Variants in BMPER observed in about 807,000 individuals in gnomAD.
BMPER encodes the protein BMP binding endothelial regulator.
BMPER carries 45 observed loss-of-function variants against 87.3 expected under a neutral mutation model. That is an observed-to-expected ratio of 0.52 (90% CI 0.41 to 0.66). The LOEUF is 0.66. Among genes scored for constraint, BMPER ranks in the 30% least tolerant of loss-of-function variants. The pLI, the probability that BMPER is intolerant of heterozygous loss-of-function variation, is 0.00. For synonymous variants in BMPER, 326 were observed against 316.2 expected (o/e 1.03, Z -0.33); for missense variants, 784 against 867.5 (o/e 0.90, Z 1.21).
intron 13 of BMPER, among the ~76,000 whole-genome samples, chr7:34,140,689 A>G (rs1186160976): frequency 5.3e-5 from 8 of 152,204 alleles, no homozygotes; most frequent in Admixed American, 3.3e-4. Flanking sequence ...TTTATCTTCA[A>G]TTGTGTAAAT....
Position 34,079,106 on chromosome 7 carries a change from C to T in BMPER, c.1328C>T (p.Ser443Leu). Residue 443 changes from serine (S) to leucine (L), a missense_variant, in exon 12 of 15, where the codon TCG becomes TTG. By Grantham distance (145) the Ser-to-Leu change is moderately radical. Transcript: ENST00000649409. The part of the protein sequence containing the change: ...QQHLTVRWNG[S>L]RIALPCRAPH... ...CACCTCACCGTGCGCTGGAACGGCT[C>T]GCGCATCGCGCTCCCCTGCCGCGCG... 6.2e-7 allele frequency: 1 copy of T among 1,613,716 alleles called. No homozygotes were observed. Among genetic ancestry groups the T allele is most frequent in the Non-Finnish European group, 8.5e-7 (1 of 1,179,874 alleles).
intron 6 of BMPER, among the ~76,000 whole-genome samples, chr7:34,035,581 G>A (rs1421270822): frequency 6.6e-6 from 1 of 152,172 alleles, no homozygotes; most frequent in Non-Finnish European, 1.5e-5. Flanking sequence ...TTCATGTCAA[G>A]ATAACAGATA....
chr7:33,990,674 G>A (rs1786183919), intron 6 of BMPER, among the ~76,000 whole-genome samples: 1 of 148,870 alleles, frequency 6.7e-6, no homozygotes, highest in Admixed American at 6.8e-5. Context: ...TGGTGAGAGA[G>A]GGCATCCCTG....
intron 7 of BMPER, among the ~76,000 whole-genome samples, chr7:34,047,820 T>TTCCTTCCTTCC (rs1562709450): frequency 1.5e-5 from 2 of 134,226 alleles, no homozygotes; most frequent in East Asian, 2.2e-4. Context: ...TCTTCCTCAC[T>TTCCTTCCTTCC]TTCCTACTTT....
At chr7:34,090,101 C>T (rs1789338732) in intron 13 of BMPER, among the ~76,000 whole-genome samples, 1 of 152,176 alleles carries the variant, frequency 6.6e-6, no homozygotes, top group South Asian at 2.1e-4. Context: ...TAGTTACAAA[C>T]TGCAGAAAAG....
chr7:34,001,840 T>G (rs1047743486), intron 6 of BMPER, among the ~76,000 whole-genome samples: 3 of 151,710 alleles, frequency 2.0e-5, no homozygotes, highest in African/African-American at 7.2e-5. Flanking sequence ...CTAAGTACTA[T>G]TTTGGTTATA....
chr7:34,101,768 C>G (rs910558830), intron 13 of BMPER, among the ~76,000 whole-genome samples: 17 of 152,196 alleles, frequency 1.1e-4, no homozygotes, highest in Admixed American at 9.8e-4. Flanking sequence ...CTTCCACAGG[C>G]TGTCTTCAGG....
chr7:34,125,483 C>T (rs1049742709), intron 13 of BMPER, among the ~76,000 whole-genome samples: 1 of 152,124 alleles, frequency 6.6e-6, no homozygotes, highest in Non-Finnish European at 1.5e-5. Flanking sequence ...TTGTTTCTCT[C>T]ATTCTATTTT....
In BMPER at chr7:33,927,273, T is replaced by C. The variant is rs543506784; in HGVS notation, c.220-10016T>C. 9.5e-4 allele frequency among the ~76,000 whole-genome samples: 145 copies of C among 152,308 alleles called. 1 individual carries two copies. The highest frequency in any genetic ancestry group is 3.4e-3 in the Middle Eastern group (1 of 294). On this transcript the variant is annotated intron_variant, in intron 2 of 14. Transcript: ENST00000649409. ...GTTTCATTGGCTCTGTGGCTTGTTGTTGACCCACAGGAATGAGAGACACCT... is the reference window on the plus strand; with the variant it reads ...GTTTCATTGGCTCTGTGGCTTGTTGCTGACCCACAGGAATGAGAGACACCT...
intron 8 of BMPER, among the ~76,000 whole-genome samples, chr7:34,054,243 A>G (rs550275729): frequency 6.6e-6 from 1 of 152,282 alleles, no homozygotes; most frequent in South Asian, 2.1e-4. Context: ...TAGGCACCAC[A>G]GTCTAATGAT....
chr7:34,150,615 A>AG (rs1791146796), intron 14 of BMPER, among the ~76,000 whole-genome samples: 1 of 152,296 alleles, frequency 6.6e-6, no homozygotes, highest in East Asian at 1.9e-4. Flanking sequence ...CACTGAGAAG[A>AG]GAAAAAAAGA....
intron 14 of BMPER, among the ~76,000 whole-genome samples, chr7:34,143,747 CT>C (rs1214845559): frequency 1.3e-5 from 2 of 151,992 alleles, no homozygotes; most frequent in Non-Finnish European, 2.9e-5. Context: ...AAGCAAGATA[CT>C]TTTTTTTAGA....
chr7:34,122,324 T>C (rs1218751029), intron 13 of BMPER, among the ~76,000 whole-genome samples: 1 of 152,224 alleles, frequency 6.6e-6, no homozygotes, highest in African/African-American at 2.4e-5. Flanking sequence ...ATACTTTTAG[T>C]AGCTCGGTTT....
At chr7:33,938,948 C>T (rs1784680233) in intron 3 of BMPER, among the ~76,000 whole-genome samples, 1 of 152,082 alleles carries the variant, frequency 6.6e-6, no homozygotes, top group South Asian at 2.1e-4. Flanking sequence ...TCACTTGAAC[C>T]CAGGAGGCAG....
intron 13 of BMPER, among the ~76,000 whole-genome samples, chr7:34,135,797 G>T (rs1790703119): frequency 1.3e-5 from 2 of 152,134 alleles, no homozygotes; most frequent in Admixed American, 6.5e-5. Context: ...ACCTTGTTTA[G>T]TGCCTGAAAC....
intron 10 of BMPER, among the ~76,000 whole-genome samples, chr7:34,059,913 C>G (rs1207608669): frequency 6.6e-6 from 1 of 152,048 alleles, no homozygotes; most frequent in Non-Finnish European, 1.5e-5. Context: ...TGCAACTCCC[C>G]CAGAGGCAAA....
chr7:33,994,398 C>T (rs1009390973), intron 6 of BMPER, among the ~76,000 whole-genome samples: 5 of 152,218 alleles, frequency 3.3e-5, no homozygotes, highest in South Asian at 4.1e-4. Context: ...TGCCGTCTGT[C>T]ACCCCTTTCT....
intron 12 of BMPER, among the ~76,000 whole-genome samples, chr7:34,083,600 C>G (rs561127719): frequency 6.6e-6 from 1 of 152,162 alleles, no homozygotes; most frequent in Non-Finnish European, 1.5e-5. Flanking sequence ...TTTGAAGTAA[C>G]TCTTGTGGCA....
intron 2 of BMPER, among the ~76,000 whole-genome samples, chr7:33,931,496 T>C (rs1340143464): frequency 6.6e-6 from 1 of 152,234 alleles, no homozygotes; most frequent in Non-Finnish European, 1.5e-5. Flanking sequence ...AAACCTGAAG[T>C]ATTATTCTTC....
Sources: allele counts gnomAD v4.1 joint callset (sites outside exome capture counted in the v4.1 genomes callset), GRCh38; gene constraint gnomAD v4.1.1; transcripts MANE v1.5; gene names NCBI Gene and HGNC (gene_info 2026-07-23, HGNC 2026-07-21).